HYCC2: variants seen among roughly 807,000 people sequenced by gnomAD.
HYCC2 encodes hyccin PI4KA lipid kinase complex subunit 2.
At chr2:200,981,039 A>T in the HYCC2 span, 1 of 575,282 alleles carries the variant, frequency 1.7e-6, no homozygotes, top group Non-Finnish European at 3.1e-6. The surrounding 1 kb of genome is among the most constrained non-coding windows in gnomAD (Gnocchi z 4.5). Context: ...CAACCATTTT[A>T]TACTGCTTCA....
chr2:200,974,006 C>T, the HYCC2 span: 1 of 152,012 alleles, frequency 6.6e-6, no homozygotes, highest in Non-Finnish European at 1.5e-5. Flanking sequence ...AGGATAATGG[C>T]TTACATGCAC....
chr2:201,048,727 G>A, the HYCC2 span, among the ~76,000 whole-genome samples: 1 of 152,020 alleles, frequency 6.6e-6, no homozygotes. Context: ...GAAAGATTTA[G>A]AATTTATGGC....
the HYCC2 span, among the ~76,000 whole-genome samples, chr2:201,001,553 A>G: frequency 6.6e-6 from 1 of 152,264 alleles, no homozygotes. Context: ...AAACCTTGTA[A>G]ACATGCTAAG....
chr2:200,997,486 C>T, the HYCC2 span: 2 of 1,613,524 alleles, frequency 1.2e-6, no homozygotes, highest in Non-Finnish European at 1.7e-6. Context: ...ATGAGGCAGG[C>T]ATATATACAA....
At chr2:201,067,620 G>T in the HYCC2 span, among the ~76,000 whole-genome samples, 1 of 152,154 alleles carries the variant, frequency 6.6e-6, no homozygotes, top group Non-Finnish European at 1.5e-5. Flanking sequence ...AAGATGAACC[G>T]TAAGTTTCTA....
chr2:201,042,623 A>G, the HYCC2 span, among the ~76,000 whole-genome samples: 3 of 122,300 alleles, frequency 2.5e-5, no homozygotes, highest in African/African-American at 6.5e-5. Context: ...CGTCTGGGGG[A>G]GCCCCTCCGC....
the HYCC2 span, among the ~76,000 whole-genome samples, chr2:200,995,474 G>A: frequency 1.9e-4 from 29 of 152,322 alleles, no homozygotes; most frequent in South Asian, 6.0e-3. Context: ...GGGATTCCAT[G>A]ATTATGTGTA....
At chr2:201,034,966 G>A in the HYCC2 span, among the ~76,000 whole-genome samples, 1 of 152,186 alleles carries the variant, frequency 6.6e-6, no homozygotes, top group African/African-American at 2.4e-5. Flanking sequence ...TCTGCTGAGA[G>A]ATCCGCTGTT....
chr2:201,018,847 C>T, the HYCC2 span, among the ~76,000 whole-genome samples: 1 of 152,102 alleles, frequency 6.6e-6, no homozygotes, highest in Non-Finnish European at 1.5e-5. Context: ...AATATTCCAA[C>T]TCTTCCCTTA....
At chr2:201,028,428 C>A in the HYCC2 span, among the ~76,000 whole-genome samples, 1 of 152,156 alleles carries the variant, frequency 6.6e-6, no homozygotes, top group Non-Finnish European at 1.5e-5. Context: ...CAACAAGCTA[C>A]CAATGACTTT....
chr2:201,013,515 AATC>A, the HYCC2 span, among the ~76,000 whole-genome samples: 1 of 151,994 alleles, frequency 6.6e-6, no homozygotes, highest in Non-Finnish European at 1.5e-5. Context: ...CAGCAGCAAT[AATC>A]ATCATCACCA....
At chr2:200,989,505 T>C in the HYCC2 span, among the ~76,000 whole-genome samples, 2 of 152,164 alleles carry the variant, frequency 1.3e-5, no homozygotes, top group South Asian at 2.1e-4. Context: ...AAAAATGATA[T>C]AAATAAAATG....
At chr2:201,005,759 A>G in the HYCC2 span, among the ~76,000 whole-genome samples, 1 of 152,324 alleles carries the variant, frequency 6.6e-6, no homozygotes, top group Non-Finnish European at 1.5e-5. Flanking sequence ...CCAAGGTAGA[A>G]AAGTCGGAGT....
the HYCC2 span, chr2:201,008,907 T>C: frequency 1.0e-6 from 1 of 964,560 alleles, no homozygotes; most frequent in Non-Finnish European, 1.7e-6. Flanking sequence ...TGTCATTCAT[T>C]CATTCATATA....
At chr2:201,030,582 C>CTTT in the HYCC2 span, among the ~76,000 whole-genome samples, 2 of 141,940 alleles carry the variant, frequency 1.4e-5, no homozygotes. Context: ...TATCTCATTC[C>CTTT]TTTTTTTTTT....
At chr2:201,068,467 A>G in the HYCC2 span, among the ~76,000 whole-genome samples, 1 of 152,166 alleles carries the variant, frequency 6.6e-6, no homozygotes, top group Non-Finnish European at 1.5e-5. Flanking sequence ...TTCCACTCTG[A>G]AGTGGAAGCC....
chr2:201,037,329 T>C, the HYCC2 span, among the ~76,000 whole-genome samples: 1 of 152,124 alleles, frequency 6.6e-6, no homozygotes. Flanking sequence ...AGGTAATTTA[T>C]ACATTCATTG....
the HYCC2 span, among the ~76,000 whole-genome samples, chr2:201,016,315 G>T: frequency 6.6e-6 from 1 of 152,062 alleles, no homozygotes; most frequent in Admixed American, 6.6e-5. Flanking sequence ...TTGAGACAGG[G>T]TCTTGCTCTC....
At chr2:201,047,661 G>A in the HYCC2 span, among the ~76,000 whole-genome samples, 1 of 150,800 alleles carries the variant, frequency 6.6e-6, no homozygotes, top group Non-Finnish European at 1.5e-5. Context: ...GAGAAGGAAG[G>A]GAAGAAGTAA....
Sources: gnomAD v4.1 joint callset for allele counts (sites outside exome capture counted in the v4.1 genomes callset) on GRCh38, gnomAD v4.1.1 for gene constraint, Gnocchi (gnomAD v3.1) non-coding constraint, MANE v1.5 for transcripts, NCBI Gene and HGNC (gene_info 2026-07-23, HGNC 2026-07-21) for gene names.